Variants in RADIL observed in about 807,000 individuals in gnomAD.
The protein encoded by RADIL is ras-associating and dilute domain-containing protein.
In RADIL, 99 loss-of-function variants were observed where a neutral mutation model predicts 97.6. The ratio of observed to expected loss-of-function variants is 1.01; its 90% CI spans 0.86 to 1.20. RADIL has a LOEUF of 1.20. Ranked by LOEUF, RADIL falls within the 50% of genes most tolerant of loss-of-function variation. The pLI, the probability that RADIL is intolerant of heterozygous loss-of-function variation, is 0.00. For missense variants in RADIL, 1,765 were observed against 1,498.9 expected, an observed-to-expected ratio of 1.18 and a Z score of -2.93; for synonymous variants, 803 against 691.8, an observed-to-expected ratio of 1.16 and a Z score of -2.52.
At chr7:4,811,781 C>G (rs958629441) in intron 9 of RADIL, among the ~76,000 whole-genome samples, 9 of 152,170 alleles carry the variant, frequency 5.9e-5, no homozygotes, top group Admixed American at 2.0e-4. Context: ...GCCACCGCGC[C>G]TGGCCTAATT....
chr7:4,877,931 T>C lies in RADIL; in HGVS notation c.209A>G (p.Asp70Gly). Residue 70 changes from aspartate (D) to glycine (G), a missense_variant, in exon 2 of 15, where the codon GAC becomes GGC. Physicochemically the swap from Asp to Gly is moderately conservative, Grantham distance 94. Transcript: ENST00000399583. ...GTAGTGGGTTCCTGTGCAGACACTG[T>C]CCCCAAACACCTTCAGGACACCAGG... ...SAPGVLKVFG[D>G]SVCTGTHYKS... The C allele has an allele frequency of 6.2e-7, 1 of 1,608,434 alleles. No individual in the cohort carries two copies. The highest frequency in any genetic ancestry group is 8.5e-7 in the Non-Finnish European group (1 of 1,179,972).
rs1311714921 is a variant in RADIL, at chr7:4,872,790, T to C, written c.535+4815A>G. Among the ~76,000 whole-genome samples the C allele has an allele frequency of 6.6e-6, 1 of 152,082 alleles. No individual in the cohort carries two copies. On this transcript the variant is annotated intron_variant, in intron 2 of 14. Transcript: ENST00000399583. The surrounding 1 kb of genome is among the most constrained non-coding windows in gnomAD (Gnocchi z 5.8). ...GGGTAGCAGTGAACTAAGTGATGAG[T>C]GAACCGGCAGGAAGCGCCTGGCTGA...
chr7:4,822,341 A>G lies in RADIL; in HGVS notation c.1615+53T>C. On this transcript the variant is annotated intron_variant, in intron 6 of 14. Transcript: ENST00000399583. The surrounding 1 kb of genome is among the most constrained non-coding windows in gnomAD (Gnocchi z 5.3). ...TCCGAGGACGGCGAGGAGATGCCAC[A>G]CTCCCCTGCCTGGGGTGCTGGCGGG... The G allele has an allele frequency of 6.4e-7, 1 of 1,551,146 alleles. No homozygotes were observed. Among genetic ancestry groups the G allele is most frequent in the Non-Finnish European group, 8.7e-7 (1 of 1,147,056 alleles).
In RADIL at chr7:4,818,855, T is replaced by C. The variant is rs1001022503; in HGVS notation, c.1616-1504A>G. Among the ~76,000 whole-genome samples the C allele has an allele frequency of 2.6e-5, 4 of 152,042 alleles. No individual in the cohort carries two copies. Among genetic ancestry groups the C allele is most frequent in the Non-Finnish European group, 5.9e-5 (4 of 67,986 alleles). On this transcript the variant is annotated intron_variant, in intron 6 of 14. Transcript: ENST00000399583. This position sits in a 1 kb window ranked among gnomAD's most constrained non-coding sequence, Gnocchi z 7.1. ...TGACAGGAGAAGGTGGCAGGGACTG[T>C]GCTGAATGAAACCACAAAGCAGCCT... is the stretch of plus-strand genomic sequence containing the variant.
Position 4,883,685 on chromosome 7 carries a change from G to T in RADIL, c.-154C>A, listed in dbSNP as rs1476818630. 6.6e-6 allele frequency: 1 copy of T among 151,896 alleles called. No homozygotes were observed. The highest frequency in any genetic ancestry group is 1.5e-5 in the Non-Finnish European group (1 of 67,950). 9.4% of individuals were successfully genotyped at this position (151,896 alleles called of 1,614,324 possible). On this transcript the variant is annotated 5_prime_UTR_variant, in exon 1 of 15. Coordinates refer to ENST00000399583, the MANE Select transcript of RADIL (RefSeq NM_018059.5). This position sits in a 1 kb window ranked among gnomAD's most constrained non-coding sequence, Gnocchi z 7.1. ...GGCGCCCAGACCCGCGCGTGCCGCG[G>T]CGCCTCCTGCCGGCGGCGCAACGGG...
chr7:4,874,158 G>T (rs1784315874), intron 2 of RADIL, among the ~76,000 whole-genome samples: 1 of 152,236 alleles, frequency 6.6e-6, no homozygotes, highest in Admixed American at 6.5e-5. Context: ...GGCCGTGCAG[G>T]TGTCTCACGC....
At chr7:4,809,554 A>AGGCACCACGGCAGGTCCCGCCCC (rs1782476759) in intron 9 of RADIL, 1 of 985,324 alleles carries the variant, frequency 1.0e-6, no homozygotes, top group Admixed American at 6.1e-5. Context: ...AGGCCCGCCC[A>AGGCACCACGGCAGGTCCCGCCCC]GGCACCACGG....
chr7:4,847,739 C>CAAAAAAAAAAAAAAAA (rs56177809), intron 2 of RADIL, among the ~76,000 whole-genome samples: 4 of 23,806 alleles, frequency 1.7e-4, no homozygotes, highest in Non-Finnish European at 2.9e-4. Flanking sequence ...AAGCTAGATG[C>CAAAAAAAAAAAAAAAA]AAAAAAAAAA....
intron 2 of RADIL, among the ~76,000 whole-genome samples, chr7:4,868,629 C>G (rs776010913): frequency 5.9e-5 from 9 of 152,138 alleles, no homozygotes; most frequent in Non-Finnish European, 1.2e-4. Flanking sequence ...GATGTTTTGC[C>G]GTTTTCTTGC....
Position 4,835,383 on chromosome 7 carries a change from A to G in RADIL, c.784-144T>C. 1 of 1,105,330 alleles carries G rather than the reference A, an allele frequency of 9.0e-7. No individual in the cohort carries two copies. The highest frequency in any genetic ancestry group is 1.3e-6 in the Non-Finnish European group (1 of 780,402). The allele number at this position is 1,105,330 out of a possible 1,614,324, so 68.5% of individuals were successfully genotyped here. A position where few individuals can be genotyped will look rare whatever the true frequency, so the allele number is the denominator to read the frequency against. ...CCATGTCCCTGGCCACCCCCACACCAGAACCCCGACGGCTCTCAGGAACCC... is the reference window on the plus strand; with the variant it reads ...CCATGTCCCTGGCCACCCCCACACCGGAACCCCGACGGCTCTCAGGAACCC... On this transcript the variant is annotated intron_variant, in intron 3 of 14. Transcript: ENST00000399583. This position sits in a 1 kb window ranked among gnomAD's most constrained non-coding sequence, Gnocchi z 5.8.
chr7:4,826,688 G>A (rs1265700188), intron 5 of RADIL, among the ~76,000 whole-genome samples: 3 of 149,082 alleles, frequency 2.0e-5, no homozygotes, highest in South Asian at 4.3e-4. Flanking sequence ...AGCTGAGATC[G>A]AGCCACTATA....
intron 11 of RADIL, among the ~76,000 whole-genome samples, chr7:4,802,721 C>T (rs1187461538): frequency 8.8e-6 from 1 of 114,114 alleles, no homozygotes; most frequent in African/African-American, 3.6e-5. Context: ...CCCCAGGCAC[C>T]TCGGGGCACG....
In RADIL at chr7:4,836,560, C is replaced by T. The variant is rs1164053731; in HGVS notation, c.581G>A (p.Gly194Glu). Residue 194 changes from glycine (G) to glutamate (E), a missense_variant, in exon 3 of 15, where the codon GGA (glycine) becomes GAA (glutamate). Physicochemically the swap from Gly to Glu is moderately conservative, Grantham distance 98 (BLOSUM62 -2). Transcript: ENST00000399583. ...ATCCCCCAGGGCCGGGGTCGGGGTT[C>T]CCTTCGCGCGACTCCGCTGCAGCCT... ...ARRLQRSRAK[G>E]TPTPALGDAR... The T allele has an allele frequency of 6.2e-7, 1 of 1,607,780 alleles. No individual in the cohort carries two copies. The highest frequency in any genetic ancestry group is 1.7e-5 in the Admixed American group (1 of 59,504).
intron 2 of RADIL, among the ~76,000 whole-genome samples, chr7:4,863,812 A>G (rs1054005296): frequency 6.6e-6 from 1 of 152,190 alleles, no homozygotes; most frequent in East Asian, 1.9e-4. Context: ...CTACCTTTTA[A>G]GGTCCCAAGA....
At position 4,819,060 on chromosome 7, in the gene RADIL, C is replaced by T. The variant is rs1013789690; in HGVS notation, c.1616-1709G>A. 7.1e-6 allele frequency among the ~76,000 whole-genome samples: 1 copy of T among 140,206 alleles called. No homozygotes were observed. Among genetic ancestry groups the T allele is most frequent in the African/African-American group, 2.9e-5 (1 of 34,464 alleles). The allele number at this position is 140,206 out of a possible 152,430, so 92.0% of individuals were successfully genotyped here. ...CCCGGCCCTGAGACTCCATTTCTCT[C>T]TCTCTCTCTCTCTTTTTTTTTTTTT... is the stretch of plus-strand genomic sequence containing the variant. On this transcript the variant is annotated intron_variant, in intron 6 of 14. Coordinates refer to ENST00000399583, the MANE Select transcript of RADIL (RefSeq NM_018059.5). This position sits in a 1 kb window ranked among gnomAD's most constrained non-coding sequence, Gnocchi z 5.8.
rs1784522632 is a variant in RADIL at position 4,883,280 on chromosome 7, G to A, written c.-65+316C>T. ...AGAGTCCCCTGGAGTTGGGGGTCCG[G>A]GGCCCACGCGGACAGCCAGGCTCAG... On this transcript the variant is annotated intron_variant, in intron 1 of 14. Transcript: ENST00000399583. This position sits in a 1 kb window ranked among gnomAD's most constrained non-coding sequence, Gnocchi z 7.1. Among the ~76,000 whole-genome samples the A allele has an allele frequency of 6.6e-6, 1 of 151,266 alleles. No individual in the cohort carries two copies. Among genetic ancestry groups the A allele is most frequent in the Non-Finnish European group, 1.5e-5 (1 of 67,916 alleles).
At position 4,815,218 on chromosome 7, in the gene RADIL, G is replaced by T. The variant is rs1782646327; in HGVS notation, c.2139+60C>A. On this transcript the variant is annotated intron_variant, in intron 9 of 14. Coordinates refer to ENST00000399583, the MANE Select transcript of RADIL (RefSeq NM_018059.5). This position sits in a 1 kb window ranked among gnomAD's most constrained non-coding sequence, Gnocchi z 8.0. ...CCCCAGGCTTGGTTTGTGAGCCAGGGACCCACAGCATGTGGCCCCGCCCCT... is the reference window on the plus strand; with the variant it reads ...CCCCAGGCTTGGTTTGTGAGCCAGGTACCCACAGCATGTGGCCCCGCCCCT... The T allele has an allele frequency of 5.5e-6, 8 of 1,452,340 alleles. No homozygotes were observed. The highest frequency in any genetic ancestry group is 2.6e-5 in the Admixed American group (1 of 39,206). The allele number at this position is 1,452,340 out of a possible 1,614,324, so 90.0% of individuals were successfully genotyped here.
intron 9 of RADIL, among the ~76,000 whole-genome samples, chr7:4,807,415 C>A (rs1254974789): frequency 6.6e-6 from 1 of 151,974 alleles, no homozygotes. Flanking sequence ...GGTCCGGGAC[C>A]AGAGGTCGGG....
chr7:4,807,115 G>C (rs1201607434), intron 9 of RADIL, among the ~76,000 whole-genome samples: 1 of 152,066 alleles, frequency 6.6e-6, no homozygotes, highest in African/African-American at 2.4e-5. Context: ...CCTCGCTGCT[G>C]GGTCCCCTCT....
Sources: gnomAD v4.1 joint callset for allele counts (sites outside exome capture counted in the v4.1 genomes callset) on GRCh38, gnomAD v4.1.1 for gene constraint, Gnocchi (gnomAD v3.1) non-coding constraint, MANE v1.5 for transcripts, NCBI Gene and HGNC (gene_info 2026-07-23, HGNC 2026-07-21) for gene names.